The following CACNA1E variants were observed in gnomAD, a reference collection of about 807,000 sequenced individuals.
CACNA1E encodes calcium voltage-gated channel subunit alpha1 E, also known as voltage-dependent R-type calcium channel subunit alpha-1E.
A neutral mutation model predicts 259.2 loss-of-function variants in CACNA1E; 40 were observed. The ratio of observed to expected loss-of-function variants is 0.15; its 90% CI spans 0.12 to 0.20. CACNA1E has a LOEUF of 0.20. CACNA1E is among the 10% of genes least tolerant of loss of function. The pLI, the probability that CACNA1E is intolerant of heterozygous loss-of-function variation, is 1.00. For synonymous variants in CACNA1E, 1,104 were observed against 1,138.5 expected, an observed-to-expected ratio of 0.97 and a Z score of 0.61; for missense variants, 1,874 against 3,040.1, an observed-to-expected ratio of 0.62 and a Z score of 9.02.
At chr1:181,755,478 C>T (rs1213219701) in intron 28 of CACNA1E, 81 bp downstream of exon 28, 1 of 1,076,272 alleles carries the variant, frequency 9.3e-7, no homozygotes, top group East Asian at 2.4e-5. Context: ...GGTCCACCCT[C>T]CCTCCTTTCT....
At chr1:181,775,286 C>G (rs1659879768) in intron 37 of CACNA1E, among the ~76,000 whole-genome samples, 1 of 152,106 alleles carries the variant, frequency 6.6e-6, no homozygotes, top group Admixed American at 6.5e-5. Context: ...GAACCTGGGC[C>G]AGAAATACAG....
At chr1:181,671,961 A>G (rs1648848412) in intron 7 of CACNA1E, among the ~76,000 whole-genome samples, 1 of 152,260 alleles carries the variant, frequency 6.6e-6, no homozygotes, top group Non-Finnish European at 1.5e-5. Flanking sequence ...CACTATTTAC[A>G]ATAGCAAAGA....
rs142822925 is a variant in CACNA1E at position 181,731,194 on chromosome 1, C to T, written c.2260C>T (p.His754Tyr). Residue 754 changes from histidine to tyrosine, a missense_variant, in exon 19 of 48, where the codon CAC becomes TAC. By Grantham distance (83) the His-to-Tyr change is moderately conservative. Coordinates refer to ENST00000367573, the MANE Select transcript of CACNA1E (RefSeq NM_001205293.3). ...CCCCAGAAGAGACAGAAGGAGAAGA[C>T]ACCACATGTCGATGTGGGAGCCACG... ...PSIERDRRRR[H>Y]HMSMWEPRSS... The T allele has an allele frequency of 5.8e-5, 94 of 1,613,748 alleles. 1 individual carries two copies. The highest frequency in any genetic ancestry group is 4.7e-4 in the East Asian group (21 of 44,876).
intron 2 of CACNA1E, among the ~76,000 whole-genome samples, chr1:181,436,010 C>T (rs553297239): frequency 2.6e-4 from 39 of 152,200 alleles, no homozygotes; most frequent in African/African-American, 9.1e-4. Flanking sequence ...GGAACTCAAA[C>T]GACTTAAGAG....
rs5005882 is a variant in CACNA1E, at chr1:181,391,913, T to C, written c.-14-21220T>C. On this transcript the variant is annotated intron_variant, in intron 1 of 11. Coordinates refer to the CACNA1E transcript ENST00000524607. Reference sequence around the variant, plus strand: ...TCTGTCTCTGTCTCTCTCTCTGTCTTTCTCTCTCTCTGTCTCTCTCTCTCT... The same window carrying C: ...TCTGTCTCTGTCTCTCTCTCTGTCTCTCTCTCTCTCTGTCTCTCTCTCTCT... Among the ~76,000 whole-genome samples the C allele has an allele frequency of 1.2e-4, 15 of 122,506 alleles. 1 individual carries two copies. The East Asian group carries it at 3.0e-3, about 24-fold the overall frequency. 80.4% of individuals were successfully genotyped at this position (122,506 alleles called of 152,430 possible). A position where few individuals can be genotyped will look rare whatever the true frequency, so the allele number is the denominator to read the frequency against.
intron 7 of CACNA1E, among the ~76,000 whole-genome samples, chr1:181,680,583 C>T (rs1649855128): frequency 6.6e-6 from 1 of 152,172 alleles, no homozygotes; most frequent in South Asian, 2.1e-4. Context: ...CACGCCCTGC[C>T]TCCGGAAACG....
Position 181,758,778 on chromosome 1 carries a change from C to A in CACNA1E, c.4515C>A (p.Thr1505=). The stretch of plus-strand genomic sequence containing the variant: ...GGCAGTATTATTCTGCTCCCTGTAC[C>A]TATGAGCTGGCCCTGAAGTACCTGA... The part of the protein sequence containing the change: ...LMMKYYSAPC[T]YELALKYLNI... The change falls in exon 32 of 48, where the codon ACC becomes ACA. Residue 1505 remains threonine, a synonymous_variant. Coordinates refer to ENST00000367573, the MANE Select transcript of CACNA1E (RefSeq NM_001205293.3). This position sits in a 1 kb window ranked among gnomAD's most constrained non-coding sequence, Gnocchi z 4.2. 3.7e-6 allele frequency: 6 copies of A among 1,602,964 alleles called. No individual in the cohort carries two copies. Among genetic ancestry groups the A allele is most frequent in the Non-Finnish European group, 5.1e-6 (6 of 1,169,912 alleles).
chr1:181,719,888 T>C, intron 13 of CACNA1E, 25 bp downstream of exon 13: 1 of 1,325,486 alleles, frequency 7.5e-7, no homozygotes, highest in Non-Finnish European at 1.1e-6. Flanking sequence ...TTTGGACTTT[T>C]CCCAATGTCT....
In CACNA1E at chr1:181,776,210, A is replaced by C. The variant is rs892358969; in HGVS notation, c.5249A>C (p.Glu1750Ala). 3.7e-6 allele frequency: 6 copies of C among 1,614,024 alleles called. No homozygotes were observed. Among genetic ancestry groups the C allele is most frequent in the Non-Finnish European group, 5.1e-6 (6 of 1,179,888 alleles). The change falls in exon 38 of 48, where the codon GAA (glutamate) becomes GCA (alanine). Residue 1750 changes from glutamate to alanine, a missense_variant. This residue lies in a region of CACNA1E where 147 missense variants were observed against 337.1 expected (regional missense o/e 0.44). Transcript: ENST00000367573. This position sits in a 1 kb window ranked among gnomAD's most constrained non-coding sequence, Gnocchi z 4.4. ...HLDEFVRVWA[E>A]YDRAACGRIH... The stretch of plus-strand genomic sequence containing the variant: ...GACGAGTTTGTCCGCGTCTGGGCAG[A>C]ATATGACCGAGCAGCATGGTGCGTA...
rs1354387249 is a variant in CACNA1E, at chr1:181,801,697, A to ATTCTT, written c.*2868_*2872dup. 3 of 152,290 alleles carry ATTCTT rather than the reference A, an allele frequency of 2.0e-5. No homozygotes were observed. In the South Asian group the frequency reaches 6.2e-4, roughly 32 times the overall value. 9.4% of individuals were successfully genotyped at this position (152,290 alleles called of 1,614,324 possible). A position where few individuals can be genotyped will look rare whatever the true frequency, so the allele number is the denominator to read the frequency against. ...GAGGCCCCTGTAGACCCCAACACCT[A>ATTCTT]TTCTTTTCTCTGGTTAATTACAGCA... On this transcript the variant is annotated 3_prime_UTR_variant, in exon 48 of 48. Transcript: ENST00000367573.
intron 1 of CACNA1E, among the ~76,000 whole-genome samples, chr1:181,499,848 C>A (rs1665096333): frequency 6.6e-6 from 1 of 152,210 alleles, no homozygotes; most frequent in Admixed American, 6.5e-5. Flanking sequence ...AGTTACCTGA[C>A]TTCCTTCTGT....
At chr1:181,697,472 C>CA (rs1340772545) in intron 7 of CACNA1E, among the ~76,000 whole-genome samples, 1 of 152,180 alleles carries the variant, frequency 6.6e-6, no homozygotes, top group Admixed American at 6.5e-5. Flanking sequence ...ATCATAAACA[C>CA]AAAATAAGTG....
chr1:181,398,906 T>C (rs1226598011), intron 1 of CACNA1E, among the ~76,000 whole-genome samples: 3 of 152,084 alleles, frequency 2.0e-5, no homozygotes. Flanking sequence ...CAAAAGGCAA[T>C]GGAGATCCAA....
chr1:181,533,706 A>G (rs1458552040), intron 3 of CACNA1E, among the ~76,000 whole-genome samples: 1 of 152,124 alleles, frequency 6.6e-6, no homozygotes, highest in Non-Finnish European at 1.5e-5. Context: ...AATCTTACCA[A>G]TATTTCTCCA....
chr1:181,637,446 CCCTCCCTCCCTT>C (rs1391526390), intron 6 of CACNA1E, among the ~76,000 whole-genome samples: 1 of 145,214 alleles, frequency 6.9e-6, no homozygotes, highest in Non-Finnish European at 1.5e-5. Context: ...CTCCCTCCCT[CCCTCCCTCCCTT>C]CCTCCTTTCC....
chr1:181,501,090 C>T (rs78773497), intron 1 of CACNA1E, among the ~76,000 whole-genome samples: 2,025 of 152,342 alleles, frequency 0.013, 18 homozygotes, highest in Non-Finnish European at 0.019. Flanking sequence ...TTGTTTTCTT[C>T]CAGAGGCTTT....
At chr1:181,417,789 A>G (rs1658385735) in intron 2 of CACNA1E, among the ~76,000 whole-genome samples, 1 of 152,192 alleles carries the variant, frequency 6.6e-6, no homozygotes. Context: ...CTGGGAAAAT[A>G]GCAGCAATCA....
In CACNA1E at chr1:181,763,398, T is replaced by A; in HGVS notation, c.4690-8T>A. The A allele has an allele frequency of 1.3e-6, 2 of 1,571,466 alleles. No individual in the cohort carries two copies. The highest frequency in any genetic ancestry group is 2.3e-5 in the South Asian group (2 of 86,674). On this transcript the variant is annotated splice_region_variant and splice_polypyrimidine_tract_variant and intron_variant, in intron 33 of 47. Coordinates refer to ENST00000367573, the MANE Select transcript of CACNA1E (RefSeq NM_001205293.3). ...TTCCTAATTATATGTTTCCTTTTGG[T>A]CCACCAGCTGGTGAACACCAGTGGC...
intron 1 of CACNA1E, among the ~76,000 whole-genome samples, chr1:181,389,526 G>A (rs917040787): frequency 6.6e-6 from 1 of 152,238 alleles, no homozygotes; most frequent in African/African-American, 2.4e-5. Context: ...AGGATGGACT[G>A]TACCATGACC....
Sources: allele counts gnomAD v4.1 joint callset (sites outside exome capture counted in the v4.1 genomes callset), GRCh38; gene constraint gnomAD v4.1.1; regional missense constraint gnomAD v4.1.1; non-coding constraint Gnocchi (gnomAD v3.1); transcripts MANE v1.5; gene names NCBI Gene and HGNC (gene_info 2026-07-23, HGNC 2026-07-21).